Variants in PSMD5 observed in about 807,000 individuals in gnomAD.
The protein encoded by PSMD5 is proteasome 26S subunit, non-ATPase 5, also known as 26S proteasome non-ATPase regulatory subunit 5.
Under a neutral mutation model 52.1 loss-of-function variants are expected in PSMD5, and 40 were observed. The observed-to-expected ratio is 0.77, with a 90% CI of 0.60 to 1.00. The LOEUF (loss-of-function observed/expected upper bound fraction) is 1.00. Ranked by LOEUF, PSMD5 falls within the 50% of genes least tolerant of loss-of-function variation. The pLI, the probability that PSMD5 is intolerant of heterozygous loss-of-function variation, is 0.00. For synonymous variants in PSMD5, 211 were observed against 226.6 expected (o/e 0.93, Z 0.62); for missense variants, 575 against 605.2 (o/e 0.95, Z 0.52).
intron 9 of PSMD5, among the ~76,000 whole-genome samples, chr9:120,819,543 A>G (rs2045068084): frequency 6.6e-6 from 1 of 152,236 alleles, no homozygotes; most frequent in Non-Finnish European, 1.5e-5. Context: ...AGTCTTAAAG[A>G]AATGTTTCTG....
chr9:120,831,558 C>A, intron 3 of PSMD5, 99 bp from the exon 4 acceptor site: 1 of 1,349,838 alleles, frequency 7.4e-7, no homozygotes, highest in East Asian at 2.4e-5. Context: ...GCACCTTGCC[C>A]ATGTTTTAGC....
intron 7 of PSMD5, chr9:120,824,181 G>A (rs1014243842): frequency 5.4e-5 from 16 of 298,280 alleles, no homozygotes; most frequent in East Asian, 2.5e-4. Flanking sequence ...ACTCTAGCCC[G>A]TGGTCTTTGT....
Position 120,829,441 on chromosome 9 carries a change from T to A in PSMD5, c.562-233A>T, listed in dbSNP as rs530775711. On this transcript the variant is annotated intron_variant, in intron 4 of 9. Transcript: ENST00000210313. ...CAGAGTCTCACTCTGTCACCTAGGC[T>A]GGAGTGCAGTGGCGTGATCTCAGCT... 1.0e-3 allele frequency among the ~76,000 whole-genome samples: 154 copies of A among 152,318 alleles called. 1 individual carries two copies. The highest frequency in any genetic ancestry group is 3.5e-3 in the African/African-American group (144 of 41,566).
At chr9:120,842,642 T>G in intron 1 of PSMD5, 95 bp downstream of exon 1, 1 of 1,471,836 alleles carries the variant, frequency 6.8e-7, no homozygotes, top group Non-Finnish European at 9.2e-7. Context: ...ACCTCCCCTG[T>G]GACTGGGAAA....
chr9:120,821,206 A>G (rs2045081820), intron 8 of PSMD5, 149 bp downstream of exon 8: 1 of 703,370 alleles, frequency 1.4e-6, no homozygotes, highest in Non-Finnish European at 2.3e-6. Flanking sequence ...CTAACACTCT[A>G]TGATTCCATT....
Position 120,824,674 on chromosome 9 carries a change from A to C in PSMD5, c.826T>G (p.Phe276Val). 6.3e-7 allele frequency: 1 copy of C among 1,597,420 alleles called. No individual in the cohort carries two copies. The highest frequency in any genetic ancestry group is 8.5e-7 in the Non-Finnish European group (1 of 1,174,588). Residue 276 changes from phenylalanine to valine, a missense_variant, in exon 7 of 10, where the codon TTT becomes GTT. By Grantham distance (50) the Phe-to-Val change is conservative. Transcript: ENST00000210313. ...SSFYLPGFVK[F>V]FGNLAVMDSP... is the part of the protein sequence containing the mutation. ...TCCATGACAGCCAGGTTTCCAAAAAACTTCACGAATCCTAAAGAGATTTAC... is the reference window on the plus strand; with the variant it reads ...TCCATGACAGCCAGGTTTCCAAAAACCTTCACGAATCCTAAAGAGATTTAC...
chr9:120,842,561 C>G, intron 1 of PSMD5, 176 bp downstream of exon 1: 1 of 768,926 alleles, frequency 1.3e-6, no homozygotes, highest in Non-Finnish European at 2.0e-6. Flanking sequence ...CTCTCAGAGG[C>G]TGAACCTGAA....
At chr9:120,818,465 A>G (rs1204524879) in intron 9 of PSMD5, among the ~76,000 whole-genome samples, 2 of 152,212 alleles carry the variant, frequency 1.3e-5, no homozygotes, top group Non-Finnish European at 2.9e-5. Context: ...GTTTACAAAA[A>G]ATAGGAAATG....
chr9:120,832,694 C>T (rs1487207925), intron 2 of PSMD5, among the ~76,000 whole-genome samples: 1 of 152,218 alleles, frequency 6.6e-6, no homozygotes, highest in South Asian at 2.1e-4. Flanking sequence ...CTGTGCCCAG[C>T]GCCCTTTTTT....
intron 6 of PSMD5, among the ~76,000 whole-genome samples, chr9:120,825,888 C>T (rs1461925915): frequency 6.6e-6 from 1 of 152,020 alleles, no homozygotes; most frequent in Non-Finnish European, 1.5e-5. Context: ...TTCTTTCTTT[C>T]CGATTTGGAT....
intron 5 of PSMD5, among the ~76,000 whole-genome samples, chr9:120,827,786 C>T (rs2045132398): frequency 6.6e-6 from 1 of 152,038 alleles, no homozygotes; most frequent in Middle Eastern, 3.2e-3. Flanking sequence ...AACTATAATG[C>T]TATCATAACA....
In PSMD5 at chr9:120,818,063, T is replaced by G; in HGVS notation, c.1358A>C (p.Lys453Thr). ...DRSVEHDKASKDAKYELVKAL... is the reference protein window; with the variant it reads ...DRSVEHDKASTDAKYELVKAL... ...TTTCACTAGTTCATATTTGGCATCC[T>G]TTGAAGCTTTGTCATGCTCCACAGA... Residue 453 changes from lysine (K) to threonine (T), a missense_variant, in exon 10 of 10, where the codon AAG becomes ACG. Lys to Thr is a moderately conservative substitution (Grantham distance 78, BLOSUM62 -1). Coordinates refer to ENST00000210313, the MANE Select transcript of PSMD5 (RefSeq NM_005047.4). 1 of 1,614,230 alleles carries G rather than the reference T, an allele frequency of 6.2e-7. No homozygotes were observed. The highest frequency in any genetic ancestry group is 1.6e-4 in the Middle Eastern group (1 of 6,062).
intron 1 of PSMD5, among the ~76,000 whole-genome samples, chr9:120,834,274 C>G (rs918486196): frequency 3.3e-5 from 5 of 152,062 alleles, no homozygotes; most frequent in African/African-American, 1.2e-4. Flanking sequence ...GACACCGTGC[C>G]TGGCCCGATA....
intron 2 of PSMD5, 28 bp downstream of exon 2, chr9:120,833,284 A>C: frequency 6.2e-7 from 1 of 1,609,858 alleles, no homozygotes; most frequent in Non-Finnish European, 8.5e-7. Flanking sequence ...GCAGGTGGTC[A>C]ATGTCGGTTC....
intron 4 of PSMD5, 136 bp downstream of exon 4, chr9:120,831,195 G>T: frequency 1.1e-6 from 1 of 911,450 alleles, no homozygotes; most frequent in Non-Finnish European, 1.5e-6. Flanking sequence ...ACTAGGCTGG[G>T]AATGCATCCT....
intron 9 of PSMD5, among the ~76,000 whole-genome samples, chr9:120,818,841 T>C (rs969949436): frequency 6.6e-6 from 1 of 152,074 alleles, no homozygotes; most frequent in Non-Finnish European, 1.5e-5. Flanking sequence ...TTACAAAGTT[T>C]ATGAATATCT....
chr9:120,831,511 T>C (rs748881747), intron 3 of PSMD5, 52 bp from the exon 4 acceptor site: 21 of 1,539,924 alleles, frequency 1.4e-5, no homozygotes, highest in Non-Finnish European at 1.8e-5. Context: ...GGTTATTATC[T>C]ACTTCATAAG....
At chr9:120,842,128 T>A (rs924246393) in intron 1 of PSMD5, 1 of 153,950 alleles carries the variant, frequency 6.5e-6, no homozygotes, top group Non-Finnish European at 1.4e-5. Flanking sequence ...GCTTTTGGAC[T>A]GATCGCCTTG....
Position 120,817,984 on chromosome 9 carries a change from C to T in PSMD5, c.1437G>A (p.Leu479=). ...IAEIFGNPNY[L]RLRTYLSEGP... The stretch of plus-strand genomic sequence containing the variant: ...CTTCACTCAGGTAAGTTCTGAGCCT[C>T]AAATAATTTGGGTTCCCAAAGATTT... The change falls in exon 10 of 10, where the codon TTG becomes TTA. Residue 479 remains leucine (L), a synonymous_variant. Coordinates refer to ENST00000210313, the MANE Select transcript of PSMD5 (RefSeq NM_005047.4). 1 of 1,614,174 alleles carries T rather than the reference C, an allele frequency of 6.2e-7. No individual in the cohort carries two copies. Among genetic ancestry groups the T allele is most frequent in the South Asian group, 1.1e-5 (1 of 91,080 alleles).
Sources: allele counts gnomAD v4.1 joint callset (sites outside exome capture counted in the v4.1 genomes callset), GRCh38; gene constraint gnomAD v4.1.1; transcripts MANE v1.5; gene names NCBI Gene and HGNC (gene_info 2026-07-23, HGNC 2026-07-21).